Variants in AP1S2 observed in about 807,000 individuals in gnomAD.
AP1S2 encodes AP-1 complex subunit sigma-2.
AP1S2 carries 1 observed loss-of-function variant against 14.3 expected under a neutral mutation model. The observed-to-expected ratio is 0.07, with a 90% CI of 0.02 to 0.33. The LOEUF (loss-of-function observed/expected upper bound fraction) is 0.33, where lower values mean the gene tolerates loss of function less well. AP1S2 is among the 10% of genes least tolerant of loss of function. The pLI is 0.99. For missense variants in AP1S2, 30 were observed against 117.7 expected (o/e 0.25, Z 3.45); for synonymous variants, 30 against 40.5 (o/e 0.74, Z 0.99).
At position 15,833,271 on chromosome X, in the gene AP1S2, G is replaced by A. The variant is rs996275307; in HGVS notation, c.427-5071C>T. The A allele has an allele frequency of 4.0e-6, 3 of 752,836 alleles. No homozygotes were observed. The African/African-American group carries it at 6.9e-5, about 17-fold the overall frequency. 62.0% of individuals were successfully genotyped at this position (752,836 alleles called of 1,213,427 possible). A position where few individuals can be genotyped will look rare whatever the true frequency, so the allele number is the denominator to read the frequency against. On this transcript the variant is annotated intron_variant, in intron 4 of 5. Coordinates refer to ENST00000672987, the MANE Select transcript of AP1S2 (RefSeq NM_001272071.2). ...CATTCCTCCCCAGGAGACTTACTAT[G>A]AACTACACCAGCAATTCTACAGGAA...
intron 4 of AP1S2, among the ~76,000 whole-genome samples, chrX:15,834,481 A>ATAAT (rs1569080380): frequency 0.022 from 286 of 12,981 alleles, 1 homozygote; most frequent in Non-Finnish European, 0.029. Context: ...TATATATATA[A>ATAAT]TTTTTTTTTT....
intron 2 of AP1S2, among the ~76,000 whole-genome samples, chrX:15,848,752 T>C (rs1360225018): frequency 8.9e-6 from 1 of 111,989 alleles, no homozygotes; most frequent in Admixed American, 9.5e-5. Context: ...TTACTCTAAT[T>C]ACTGGCACTC....
chrX:15,827,750 C>T (rs1228601770), intron 5 of AP1S2, among the ~76,000 whole-genome samples: 1 of 111,617 alleles, frequency 9.0e-6, no homozygotes, highest in African/African-American at 3.3e-5. Context: ...TCCGAGTTCC[C>T]ACAGTTCTTC....
intron 4 of AP1S2, chrX:15,840,426 C>T: frequency 3.9e-6 from 2 of 517,182 alleles, no homozygotes; most frequent in Non-Finnish European, 5.6e-6. Context: ...TAGAAATCAT[C>T]TCACGTGCAA....
chrX:15,836,003 T>C (rs1186197054), intron 4 of AP1S2, among the ~76,000 whole-genome samples: 1 of 110,946 alleles, frequency 9.0e-6, no homozygotes, highest in East Asian at 2.8e-4. Flanking sequence ...TTGATATACT[T>C]TGAGTATCCT....
At chrX:15,839,909 A>C (rs1933776003) in intron 4 of AP1S2, among the ~76,000 whole-genome samples, 1 of 111,959 alleles carries the variant, frequency 8.9e-6, no homozygotes, top group Non-Finnish European at 1.9e-5. Flanking sequence ...CAAAAGCTTC[A>C]TTTTTTAAAA....
chrX:15,847,373 G>GATT (rs1214614076), intron 2 of AP1S2, among the ~76,000 whole-genome samples: 1 of 110,532 alleles, frequency 9.0e-6, no homozygotes, highest in African/African-American at 3.3e-5. Flanking sequence ...TGCTAGTACT[G>GATT]GGATAAGAAA....
chrX:15,833,036 C>A, intron 4 of AP1S2: 1 of 1,096,921 alleles, frequency 9.1e-7, no homozygotes, highest in South Asian at 2.6e-5. Flanking sequence ...AAGTTTAAGT[C>A]TGTCAAATAA....
chrX:15,834,471 TA>T (rs1933551503), intron 4 of AP1S2, among the ~76,000 whole-genome samples: 5 of 38,121 alleles, frequency 1.3e-4, no homozygotes, highest in African/African-American at 5.0e-4. Context: ...TATATATATA[TA>T]TATATATAAT....
intron 4 of AP1S2, among the ~76,000 whole-genome samples, chrX:15,840,056 G>C (rs1339742386): frequency 9.0e-6 from 1 of 111,505 alleles, no homozygotes. Flanking sequence ...TTTTAGCAGC[G>C]CTAATCCTCC....
intron 4 of AP1S2, among the ~76,000 whole-genome samples, chrX:15,836,142 T>C (rs751356783): frequency 6.3e-5 from 7 of 111,992 alleles, no homozygotes; most frequent in Non-Finnish European, 7.5e-5. Context: ...CAATGGCTTA[T>C]TATACTAAGC....
intron 4 of AP1S2, among the ~76,000 whole-genome samples, chrX:15,836,672 G>A (rs1385959664): frequency 4.5e-5 from 5 of 111,813 alleles, no homozygotes; most frequent in South Asian, 3.7e-4. Context: ...CATGAGCCTC[G>A]GAGTTCAAGA....
chrX:15,849,960 A>G lies in AP1S2; in HGVS notation c.179+2386T>C, dbSNP rs755097269. Among the ~76,000 whole-genome samples, 4 of 111,765 alleles carry G rather than the reference A, an allele frequency of 3.6e-5. 1 individual carries two copies. Among genetic ancestry groups the G allele is most frequent in the Admixed American group, 9.5e-5 (1 of 10,573 alleles). On this transcript the variant is annotated intron_variant, in intron 2 of 5. Transcript: ENST00000672987. Reference sequence around the variant, plus strand: ...TTCGCCCCATTACATCGAGAGTTCTATCTCCACTATTCCACTGAAAATGTT... The same window carrying G: ...TTCGCCCCATTACATCGAGAGTTCTGTCTCCACTATTCCACTGAAAATGTT...
intron 2 of AP1S2, among the ~76,000 whole-genome samples, chrX:15,847,400 T>G (rs1167039795): frequency 9.0e-6 from 1 of 111,543 alleles, no homozygotes; most frequent in Non-Finnish European, 1.9e-5. Flanking sequence ...CTTTTGACCT[T>G]AACTCCAGGC....
rs752727083 is a variant in AP1S2, at chrX:15,827,324, GT to G, written c.483del (p.Ter161TyrfsTer58). The G allele has an allele frequency of 8.3e-7, 1 of 1,206,639 alleles. No individual in the cohort carries two copies. Among genetic ancestry groups the G allele is most frequent in the Non-Finnish European group, 1.1e-6 (1 of 890,724 alleles). On this transcript the variant is annotated frameshift_variant and stop_lost, in exon 6 of 6. Coordinates refer to ENST00000672987, the MANE Select transcript of AP1S2 (RefSeq NM_001272071.2). LOFTEE classifies it high-confidence loss of function. ...AAGAAGTCATCAACAAGGGAGGAGA[GT>G]TATGTCAGTCCAATTTCTTCAAGAA... ...RSVLEEIGLT* is the reference protein window; with the variant it reads ...RSVLEEIGLTX
intron 5 of AP1S2, 121 bp downstream of exon 5, chrX:15,828,071 T>TA (rs1322635697): frequency 2.2e-6 from 1 of 455,318 alleles, no homozygotes; most frequent in Admixed American, 4.8e-5. Context: ...AATCACAAAA[T>TA]AAAGGACCAA....
At chrX:15,841,174 T>C (rs1056812264) in intron 4 of AP1S2, among the ~76,000 whole-genome samples, 9 of 112,065 alleles carry the variant, frequency 8.0e-5, no homozygotes, top group Non-Finnish European at 1.5e-4. Flanking sequence ...GGCTATAAAA[T>C]GAAGGACTAC....
At chrX:15,831,762 T>C in intron 4 of AP1S2, 2 of 709,911 alleles carry the variant, frequency 2.8e-6, no homozygotes, top group Non-Finnish European at 3.3e-6. Flanking sequence ...TTTCTAACTT[T>C]ACTACATACA....
At chrX:15,852,978 G>T in intron 1 of AP1S2, 1 of 364,174 alleles carries the variant, frequency 2.7e-6, no homozygotes, top group Non-Finnish European at 3.5e-6. Flanking sequence ...GTTCCAGGGT[G>T]AATTACTTGC....
Sources: gnomAD v4.1 joint callset for allele counts (sites outside exome capture counted in the v4.1 genomes callset) on GRCh38, gnomAD v4.1.1 for gene constraint, MANE v1.5 for transcripts, NCBI Gene and HGNC (gene_info 2026-07-23, HGNC 2026-07-21) for gene names.